Variants in ARL15 observed in about 807,000 individuals in gnomAD.
The protein encoded by ARL15 is ADP-ribosylation factor-like protein 15.
A neutral mutation model predicts 25.2 loss-of-function variants in ARL15; 19 were observed. That is an observed-to-expected ratio of 0.75 (90% confidence interval 0.53 to 1.10). The LOEUF (loss-of-function observed/expected upper bound fraction) is 1.10. Ranked by LOEUF, ARL15 falls within the 50% of genes least tolerant of loss-of-function variation. The probability of loss-of-function intolerance (pLI) is 0.00; values close to 1 mark genes in which losing one functional copy is unlikely to be tolerated. For missense variants in ARL15, 220 were observed against 246.0 expected, an observed-to-expected ratio of 0.89 and a Z score of 0.71; for synonymous variants, 94 against 86.8, an observed-to-expected ratio of 1.08 and a Z score of -0.46.
intron 1 of ARL15, among the ~76,000 whole-genome samples, chr5:54,188,185 T>TA (rs1467894450): frequency 1.3e-5 from 2 of 151,856 alleles, no homozygotes; most frequent in East Asian, 3.9e-4. Context: ...TAGCAATAAA[T>TA]AAATAAAGGT....
intron 4 of ARL15, among the ~76,000 whole-genome samples, chr5:53,990,183 AG>A (rs962591829): frequency 2.5e-4 from 38 of 152,118 alleles, no homozygotes; most frequent in Admixed American, 8.5e-4. Context: ...GGATCACTAT[AG>A]TGAGCCAGGC....
intron 4 of ARL15, among the ~76,000 whole-genome samples, chr5:53,932,518 T>G (rs1302336230): frequency 6.6e-6 from 1 of 152,006 alleles, no homozygotes; most frequent in Non-Finnish European, 1.5e-5. Flanking sequence ...GAAAAAAACC[T>G]TCTAAGCGGA....
At chr5:54,104,391 G>T (rs148372148) in intron 4 of ARL15, among the ~76,000 whole-genome samples, 34 of 152,132 alleles carry the variant, frequency 2.2e-4, no homozygotes, top group Non-Finnish European at 4.9e-4. Context: ...TCATACATGC[G>T]CCTGTTAAAA....
At chr5:53,932,676 T>A (rs1007730972) in intron 4 of ARL15, among the ~76,000 whole-genome samples, 19 of 152,196 alleles carry the variant, frequency 1.2e-4, no homozygotes, top group Admixed American at 3.3e-4. Context: ...ATGTTTGTGG[T>A]CTTTATCATT....
intron 4 of ARL15, among the ~76,000 whole-genome samples, chr5:53,905,276 G>A (rs1413897852): frequency 1.3e-5 from 2 of 151,938 alleles, no homozygotes; most frequent in African/African-American, 2.4e-5. Flanking sequence ...TGTGACAGTC[G>A]AGTATAAATA....
intron 1 of ARL15, among the ~76,000 whole-genome samples, chr5:54,254,373 G>A (rs1213494167): frequency 2.0e-5 from 3 of 152,096 alleles, no homozygotes; most frequent in South Asian, 2.1e-4. Flanking sequence ...TTAGCTATTC[G>A]AAGCTTATTT....
intron 4 of ARL15, among the ~76,000 whole-genome samples, chr5:53,916,904 T>A (rs1216469384): frequency 1.3e-5 from 2 of 152,230 alleles, no homozygotes; most frequent in African/African-American, 4.8e-5. Flanking sequence ...TGGTTTTACC[T>A]CTAGCCCAAA....
chr5:53,975,116 T>C (rs943583619), intron 4 of ARL15, among the ~76,000 whole-genome samples: 3 of 152,044 alleles, frequency 2.0e-5, no homozygotes, highest in South Asian at 4.1e-4. Flanking sequence ...AAATCTAACC[T>C]TTTTTTTCCT....
chr5:54,090,165 C>T (rs1183832460), intron 4 of ARL15, among the ~76,000 whole-genome samples: 2 of 151,948 alleles, frequency 1.3e-5, no homozygotes, highest in East Asian at 1.9e-4. Flanking sequence ...ATGAAACCAA[C>T]CCAAATGTCC....
intron 1 of ARL15, among the ~76,000 whole-genome samples, chr5:54,175,422 C>CCT: frequency 6.6e-6 from 1 of 152,100 alleles, no homozygotes; most frequent in South Asian, 2.1e-4. Flanking sequence ...GCAACCTCCA[C>CCT]CTCCCGGGTT....
At chr5:53,984,048 A>C (rs1748211170) in intron 4 of ARL15, among the ~76,000 whole-genome samples, 1 of 152,180 alleles carries the variant, frequency 6.6e-6, no homozygotes, top group African/African-American at 2.4e-5. Flanking sequence ...GTCTGTTTGC[A>C]AGCACTCACA....
chr5:54,260,369 G>T (rs1757471376), intron 1 of ARL15, among the ~76,000 whole-genome samples: 1 of 152,148 alleles, frequency 6.6e-6, no homozygotes, highest in Admixed American at 6.5e-5. Context: ...CACTCTATTT[G>T]ACATTACAGA....
intron 4 of ARL15, among the ~76,000 whole-genome samples, chr5:54,095,373 G>A (rs72750255): frequency 0.099 from 15,105 of 152,000 alleles, 975 homozygotes; most frequent in Non-Finnish European, 0.15. Flanking sequence ...TTATAGCCCC[G>A]TGCCTTTTCT....
chr5:53,905,804 T>C (rs933109560), intron 4 of ARL15, among the ~76,000 whole-genome samples: 9 of 152,242 alleles, frequency 5.9e-5, no homozygotes, highest in African/African-American at 1.2e-4. Flanking sequence ...TATTTTTAAC[T>C]AGAAGGTAAG....
intron 4 of ARL15, among the ~76,000 whole-genome samples, chr5:54,059,860 C>A (rs1373264721): frequency 1.3e-5 from 2 of 152,060 alleles, no homozygotes; most frequent in Non-Finnish European, 2.9e-5. Flanking sequence ...ATTTCATATT[C>A]TACTTATAAC....
chr5:53,921,045 C>A (rs145519251), intron 4 of ARL15, among the ~76,000 whole-genome samples: 2 of 152,112 alleles, frequency 1.3e-5, no homozygotes, highest in African/African-American at 4.8e-5. Context: ...GCAGAGTGCC[C>A]CCACTGACCA....
chr5:54,254,903 G>A (rs1757325731), intron 1 of ARL15, among the ~76,000 whole-genome samples: 2 of 152,282 alleles, frequency 1.3e-5, no homozygotes, highest in South Asian at 4.1e-4. Flanking sequence ...TTCTGCTTTG[G>A]ACACTAGCAA....
intron 2 of ARL15, among the ~76,000 whole-genome samples, chr5:54,166,120 T>C (rs1735018408): frequency 6.6e-6 from 1 of 152,106 alleles, no homozygotes; most frequent in African/African-American, 2.4e-5. Flanking sequence ...ATCATATTCT[T>C]TATCACCGGT....
intron 4 of ARL15, among the ~76,000 whole-genome samples, chr5:53,923,633 T>G (rs555087478): frequency 6.6e-6 from 1 of 152,220 alleles, no homozygotes; most frequent in Non-Finnish European, 1.5e-5. Flanking sequence ...TTCTTGAGCA[T>G]GTCAAAATAA....
Sources: gnomAD v4.1 joint callset for allele counts (sites outside exome capture counted in the v4.1 genomes callset) on GRCh38, gnomAD v4.1.1 for gene constraint, MANE v1.5 for transcripts, NCBI Gene and HGNC (gene_info 2026-07-23, HGNC 2026-07-21) for gene names.